The following GAK variants were observed in gnomAD, a reference collection of about 807,000 sequenced individuals.
GAK encodes cyclin-G-associated kinase.
GAK carries 79 observed loss-of-function variants against 143.9 expected under a neutral mutation model. The ratio of observed to expected loss-of-function variants is 0.55; its 90% CI spans 0.46 to 0.66. The LOEUF is 0.66. Ranked by LOEUF, GAK falls within the 30% of genes least tolerant of loss-of-function variation. The pLI, the probability that GAK is intolerant of heterozygous loss-of-function variation, is 0.00. For missense variants in GAK, 1,693 were observed against 1,779.7 expected, an observed-to-expected ratio of 0.95 and a Z score of 0.88; for synonymous variants, 881 against 765.5, an observed-to-expected ratio of 1.15 and a Z score of -2.49.
intron 1 of GAK, among the ~76,000 whole-genome samples, chr4:924,695 G>A (rs926497674): frequency 2.6e-5 from 4 of 152,228 alleles, no homozygotes; most frequent in South Asian, 2.1e-4. Flanking sequence ...ATTATGGGGC[G>A]GAGTTCCCCA....
intron 1 of GAK, chr4:915,372 C>T (rs183075166): frequency 1.7e-4 from 31 of 183,696 alleles, no homozygotes; most frequent in East Asian, 3.8e-4. Context: ...CAAAGACCAA[C>T]GAGACTGATA....
chr4:851,661 T>G, intron 25 of GAK, 89 bp downstream of exon 25: 17 of 1,374,322 alleles, frequency 1.2e-5, no homozygotes, highest in Admixed American at 1.7e-5. Context: ...GACTGGGCTC[T>G]GAGATGAAGA....
At position 905,489 on chromosome 4, in the gene GAK, C is replaced by T. The variant is rs189839378; in HGVS notation, c.383-710G>A. On this transcript the variant is annotated intron_variant, in intron 4 of 27. Coordinates refer to ENST00000314167, the MANE Select transcript of GAK (RefSeq NM_005255.4). ...ACGCCCCATGCCATGCTACGGACTC[C>T]GCCACGCCCCATGCCACGCTACGGA... Among the ~76,000 whole-genome samples, 452 of 149,962 alleles carry T rather than the reference C, an allele frequency of 3.0e-3. 3 individuals are homozygous for T. Among genetic ancestry groups the T allele is most frequent in the African/African-American group, 0.01 (420 of 40,604 alleles).
At chr4:892,608 G>A (rs1436681572) in intron 9 of GAK, among the ~76,000 whole-genome samples, 5 of 152,212 alleles carry the variant, frequency 3.3e-5, no homozygotes, top group Admixed American at 3.3e-4. Flanking sequence ...GCTGCCAGCA[G>A]CCACCGGTGC....
chr4:908,406 C>T (rs549345368), intron 4 of GAK, among the ~76,000 whole-genome samples: 2 of 152,272 alleles, frequency 1.3e-5, no homozygotes, highest in African/African-American at 2.4e-5. Context: ...CTCTCGCCAG[C>T]GATCCCAGCG....
chr4:917,700 C>T (rs141870560), intron 1 of GAK, among the ~76,000 whole-genome samples: 68 of 152,362 alleles, frequency 4.5e-4, no homozygotes, highest in African/African-American at 1.4e-3. Flanking sequence ...TGTTTGCTGC[C>T]TTGATTAGCG....
chr4:877,977 A>ATG (rs544662319), intron 15 of GAK, among the ~76,000 whole-genome samples, 168 bp from the exon 16 acceptor site: 6,351 of 152,112 alleles, frequency 0.042, 152 homozygotes, highest in East Asian at 0.099. Context: ...TTATATATAT[A>ATG]TGTGTGTGTG....
chr4:884,643 G>A (rs949597731), intron 11 of GAK, among the ~76,000 whole-genome samples: 1 of 152,240 alleles, frequency 6.6e-6, no homozygotes, highest in Non-Finnish European at 1.5e-5. Flanking sequence ...TGGGTCCACG[G>A]AATCGGTAAC....
chr4:866,963 AG>A lies in GAK; in HGVS notation c.2864del (p.Pro955LeufsTer36). On this transcript the variant is annotated frameshift_variant, in exon 21 of 28. Coordinates refer to ENST00000314167, the MANE Select transcript of GAK (RefSeq NM_005255.4). LOFTEE classifies it high-confidence loss of function. Reference sequence around the variant, plus strand: ...CAGAACAGAAACACGTACCAGCGGCAGGGGGCCCTCCTCTTGGGGTGCTCTG... The same window carrying A: ...CAGAACAGAAACACGTACCAGCGGCAGGGGCCCTCCTCTTGGGGTGCTCTG... ...SVQSTPRGGP[P>X]AAADPFGPLL... The A allele has an allele frequency of 1.3e-6, 2 of 1,486,318 alleles. No individual in the cohort carries two copies. The highest frequency in any genetic ancestry group is 1.4e-5 in the South Asian group (1 of 70,936). The allele number at this position is 1,486,318 out of a possible 1,614,324, so 92.1% of individuals were successfully genotyped here. A position where few individuals can be genotyped will look rare whatever the true frequency, so the allele number is the denominator to read the frequency against.
rs369363757 is a variant in GAK at position 897,094 on chromosome 4, C to T, written c.652-545G>A. ...GAGCTGTGAGGAGAGAGTGAATCTCCGTGCATGGCAGACATGTTGTGAGAG... is the reference window on the plus strand; with the variant it reads ...GAGCTGTGAGGAGAGAGTGAATCTCTGTGCATGGCAGACATGTTGTGAGAG... On this transcript the variant is annotated intron_variant, in intron 6 of 27. Coordinates refer to ENST00000314167, the MANE Select transcript of GAK (RefSeq NM_005255.4). Among the ~76,000 whole-genome samples the T allele has an allele frequency of 8.5e-4, 129 of 152,314 alleles. 1 individual carries two copies. The highest frequency in any genetic ancestry group is 3.0e-3 in the African/African-American group (124 of 41,560).
At chr4:850,273 T>A (rs1360827852) in intron 26 of GAK, 4 of 468,702 alleles carry the variant, frequency 8.5e-6, no homozygotes, top group African/African-American at 8.0e-5. Context: ...GGTCTTCATG[T>A]TTCAGGGCCT....
In GAK at chr4:897,955, G is replaced by A. The variant is rs3775123; in HGVS notation, c.651+78C>T. ...AGAGCGAGACTCAAAGCACCCCGGC[G>A]GAAAACAGCACTCCGCACTCAGGGC... On this transcript the variant is annotated intron_variant, in intron 6 of 27. Coordinates refer to ENST00000314167, the MANE Select transcript of GAK (RefSeq NM_005255.4). 6.0e-4 allele frequency: 885 copies of A among 1,476,622 alleles called. 17 individuals are homozygous for A. In the East Asian group the frequency reaches 0.021, roughly 35 times the overall value. The allele number at this position is 1,476,622 out of a possible 1,614,324, so 91.5% of individuals were successfully genotyped here. A position where few individuals can be genotyped will look rare whatever the true frequency, so the allele number is the denominator to read the frequency against.
chr4:922,077 C>A (rs1404483197), intron 1 of GAK, among the ~76,000 whole-genome samples: 3 of 152,112 alleles, frequency 2.0e-5, no homozygotes, highest in Admixed American at 2.0e-4. Flanking sequence ...AATGCATCTG[C>A]GGAAGCCCCA....
At chr4:884,193 T>C in intron 11 of GAK, 107 bp from the exon 12 acceptor site, 1 of 918,948 alleles carries the variant, frequency 1.1e-6, no homozygotes, top group Admixed American at 2.1e-5. Flanking sequence ...GGGCTCTCAC[T>C]GTAGAGGCCG....
At chr4:896,436 C>T (rs1211568790) in intron 7 of GAK, 24 bp downstream of exon 7, 1 of 1,601,666 alleles carries the variant, frequency 6.2e-7, no homozygotes, top group East Asian at 2.2e-5. Flanking sequence ...CCAGGCACTG[C>T]CACTGAGAGG....
rs1280870981 is a variant in GAK at position 877,352 on chromosome 4, G to A, written c.1857-145C>T. ...ATAACCCCCATGAAGAGCCTCACAA[G>A]AATTCTAAAGTCTCCTGGGCACTCG... On this transcript the variant is annotated intron_variant, in intron 16 of 27. Transcript: ENST00000314167. 9 of 674,070 alleles carry A rather than the reference G, an allele frequency of 1.3e-5. No homozygotes were observed. In the South Asian group the frequency reaches 1.3e-4, roughly 10 times the overall value. The allele number at this position is 674,070 out of a possible 1,614,324, so 41.8% of individuals were successfully genotyped here.
chr4:895,681 A>G (rs1321599666), intron 7 of GAK, among the ~76,000 whole-genome samples: 5 of 152,174 alleles, frequency 3.3e-5, no homozygotes, highest in Non-Finnish European at 5.9e-5. Flanking sequence ...AAAGAACCAC[A>G]AGGCAGGACA....
At chr4:918,547 A>C (rs1321883875) in intron 1 of GAK, among the ~76,000 whole-genome samples, 3 of 152,266 alleles carry the variant, frequency 2.0e-5, no homozygotes, top group Non-Finnish European at 1.5e-5. Context: ...AATGCCCCAA[A>C]ACTGACAACT....
chr4:865,369 C>T, intron 22 of GAK, 125 bp from the exon 23 acceptor site: 1 of 1,229,138 alleles, frequency 8.1e-7, no homozygotes. Context: ...TGAGCTGAGG[C>T]TGGGCTGACG....
Sources: gnomAD v4.1 joint callset for allele counts (sites outside exome capture counted in the v4.1 genomes callset) on GRCh38, gnomAD v4.1.1 for gene constraint, MANE v1.5 for transcripts, NCBI Gene and HGNC (gene_info 2026-07-23, HGNC 2026-07-21) for gene names.